The following FUT9 variants were observed in gnomAD, a reference collection of about 807,000 sequenced individuals.
The protein encoded by FUT9 is 4-galactosyl-N-acetylglucosaminide 3-alpha-L-fucosyltransferase 9.
FUT9 carries 15 observed loss-of-function variants against 29.7 expected under a neutral mutation model. The observed-to-expected ratio is 0.51, with a 90% CI of 0.34 to 0.78. The LOEUF is 0.78. Ranked by LOEUF, FUT9 falls within the 30% of genes least tolerant of loss-of-function variation. The probability of loss-of-function intolerance (pLI) is 0.01; values close to 1 mark genes in which losing one functional copy is unlikely to be tolerated. For synonymous variants in FUT9, 169 were observed against 153.7 expected (o/e 1.10, Z -0.74); for missense variants, 319 against 425.4 (o/e 0.75, Z 2.20).
At chr6:96,145,774 T>A (rs1772555178) in intron 2 of FUT9, among the ~76,000 whole-genome samples, 1 of 152,142 alleles carries the variant, frequency 6.6e-6, no homozygotes, top group South Asian at 2.1e-4. Context: ...ATAGAGTACA[T>A]CTAGGCAGGG....
chr6:96,199,962 G>A (rs1446280873), intron 2 of FUT9, among the ~76,000 whole-genome samples: 1 of 152,110 alleles, frequency 6.6e-6, no homozygotes, highest in Non-Finnish European at 1.5e-5. Context: ...TGCATATTCT[G>A]GCTGCAACCT....
intron 2 of FUT9, among the ~76,000 whole-genome samples, chr6:96,181,010 A>C (rs373686994): frequency 6.6e-6 from 1 of 152,006 alleles, no homozygotes; most frequent in African/African-American, 2.4e-5. Flanking sequence ...AATAACATAC[A>C]TAGTTAGTCA....
At chr6:96,021,269 G>A (rs191666213) in intron 1 of FUT9, among the ~76,000 whole-genome samples, 1 of 151,726 alleles carries the variant, frequency 6.6e-6, no homozygotes, top group African/African-American at 2.4e-5. Context: ...AGAGTTTTTT[G>A]TTGTTGTTGT....
At chr6:96,085,025 T>A (rs2127951939) in intron 1 of FUT9, among the ~76,000 whole-genome samples, 1 of 152,314 alleles carries the variant, frequency 6.6e-6, no homozygotes, top group East Asian at 1.9e-4. Context: ...TATTTCCCAG[T>A]TTGACTATTT....
At chr6:96,194,836 G>A (rs987291631) in intron 2 of FUT9, among the ~76,000 whole-genome samples, 1 of 152,076 alleles carries the variant, frequency 6.6e-6, no homozygotes, top group Non-Finnish European at 1.5e-5. Flanking sequence ...CTGAAAAAAT[G>A]CCAGCAAGGC....
chr6:96,205,467 T>G lies in FUT9; in HGVS notation c.*1232T>G, dbSNP rs1773811064. 1 of 167,100 alleles carries G rather than the reference T, an allele frequency of 6.0e-6. No homozygotes were observed. The highest frequency in any genetic ancestry group is 2.4e-5 in the African/African-American group (1 of 41,472). 10.4% of individuals were successfully genotyped at this position (167,100 alleles called of 1,614,324 possible). The stretch of plus-strand genomic sequence containing the variant: ...AGATGACTTTTATATCCCATTTTGG[T>G]AATTATTCATACATAGCACATATGA... On this transcript the variant is annotated 3_prime_UTR_variant, in exon 3 of 3. Coordinates refer to ENST00000302103, the MANE Select transcript of FUT9 (RefSeq NM_006581.4).
chr6:96,178,244 A>C (rs1249750321), intron 2 of FUT9, among the ~76,000 whole-genome samples: 1 of 152,170 alleles, frequency 6.6e-6, no homozygotes, highest in South Asian at 2.1e-4. Flanking sequence ...CATTTGTTTA[A>C]GTTTTAATCC....
intron 1 of FUT9, among the ~76,000 whole-genome samples, chr6:96,110,660 C>CT (rs67556756): frequency 0.14 from 21,116 of 151,916 alleles, 1,685 homozygotes; most frequent in Non-Finnish European, 0.16. Context: ...TGCCTGAAGG[C>CT]TTTTTTCCTA....
intron 2 of FUT9, among the ~76,000 whole-genome samples, chr6:96,130,633 A>G (rs1483803180): frequency 6.6e-6 from 1 of 152,210 alleles, no homozygotes; most frequent in Non-Finnish European, 1.5e-5. Context: ...CTGTTTTTAC[A>G]TATTATTTTT....
intron 2 of FUT9, among the ~76,000 whole-genome samples, chr6:96,201,627 T>C (rs562628767): frequency 6.6e-5 from 10 of 152,188 alleles, no homozygotes; most frequent in African/African-American, 2.4e-4. Flanking sequence ...TGTCATTTAA[T>C]GTCATTTAAT....
chr6:96,024,933 C>T (rs182251730), intron 1 of FUT9, among the ~76,000 whole-genome samples: 1 of 151,730 alleles, frequency 6.6e-6, no homozygotes, highest in Non-Finnish European at 1.5e-5. Context: ...GCAGCAAAGT[C>T]CCACTGCAAA....
intron 1 of FUT9, among the ~76,000 whole-genome samples, chr6:96,022,324 G>T (rs866867279): frequency 7.2e-5 from 11 of 152,158 alleles, no homozygotes; most frequent in Middle Eastern, 3.4e-3. Flanking sequence ...GCTGCATGAA[G>T]GCAGTCAATC....
In FUT9 at chr6:96,185,758, C is replaced by T. The variant is rs561583156; in HGVS notation, c.-8-17390C>T. Reference sequence around the variant, plus strand: ...CTTTGATGTATTCTCTTCTAGTGGCCTCCATTTTTTCTATTGTGTTCACAA... The same window carrying T: ...CTTTGATGTATTCTCTTCTAGTGGCTTCCATTTTTTCTATTGTGTTCACAA... On this transcript the variant is annotated intron_variant, in intron 2 of 2. Coordinates refer to ENST00000302103, the MANE Select transcript of FUT9 (RefSeq NM_006581.4). 2.6e-5 allele frequency among the ~76,000 whole-genome samples: 4 copies of T among 152,160 alleles called. No homozygotes were observed. In the East Asian group the frequency reaches 7.7e-4, roughly 29 times the overall value.
chr6:96,123,060 CAAAAAAAAAAAAAAAAAAAAAAA>C (rs56330234), intron 2 of FUT9, among the ~76,000 whole-genome samples: 1 of 64,968 alleles, frequency 1.5e-5, no homozygotes, highest in African/African-American at 6.9e-5. Context: ...GACTCAGTCT[CAAAAAAAAAAAAAAAAAAAAAAA>C]AAAAAAAAAA....
intron 2 of FUT9, among the ~76,000 whole-genome samples, chr6:96,150,429 C>G (rs1360284466): frequency 6.6e-6 from 1 of 152,114 alleles, no homozygotes; most frequent in Non-Finnish European, 1.5e-5. Context: ...TCCTGAGCCT[C>G]TAGTGTGTGA....
At chr6:96,190,433 C>T (rs1773484193) in intron 2 of FUT9, among the ~76,000 whole-genome samples, 2 of 152,012 alleles carry the variant, frequency 1.3e-5, no homozygotes, top group South Asian at 4.1e-4. Context: ...CTCTGTATTT[C>T]CTGAATTTGA....
chr6:96,017,619 G>T (rs1339240561), intron 1 of FUT9, among the ~76,000 whole-genome samples: 2 of 152,142 alleles, frequency 1.3e-5, no homozygotes, highest in Non-Finnish European at 2.9e-5. Flanking sequence ...ACATGGCATT[G>T]TACTCCATGG....
intron 2 of FUT9, among the ~76,000 whole-genome samples, chr6:96,127,219 G>A (rs1354410289): frequency 6.6e-6 from 1 of 152,072 alleles, no homozygotes; most frequent in Non-Finnish European, 1.5e-5. Context: ...CCCAGTGGCT[G>A]GCTTTTGTTC....
chr6:96,078,377 T>G (rs1220747412), intron 1 of FUT9, among the ~76,000 whole-genome samples: 1 of 149,798 alleles, frequency 6.7e-6, no homozygotes, highest in Non-Finnish European at 1.5e-5. Context: ...ACAGTGTGCT[T>G]GCTTTGATCT....
Sources: allele counts gnomAD v4.1 joint callset (sites outside exome capture counted in the v4.1 genomes callset), GRCh38; gene constraint gnomAD v4.1.1; transcripts MANE v1.5; gene names NCBI Gene and HGNC (gene_info 2026-07-23, HGNC 2026-07-21).